Variants in ZNF804A observed in about 807,000 individuals in gnomAD.
The protein encoded by ZNF804A is zinc finger protein 804A.
In ZNF804A, 2 loss-of-function variants were observed where a neutral mutation model predicts 16.5. The observed-to-expected ratio is 0.12, with a 90% CI of 0.05 to 0.38. The LOEUF (loss-of-function observed/expected upper bound fraction) is 0.38. Among genes scored for constraint, ZNF804A ranks in the 10% least tolerant of loss-of-function variants. ZNF804A has a pLI of 0.99. For synonymous variants in ZNF804A, 534 were observed against 489.6 expected (o/e 1.09, Z -1.20); for missense variants, 1,473 against 1,390.7 (o/e 1.06, Z -0.94).
chr2:184,838,349 C>A (rs1695385283), intron 1 of ZNF804A, among the ~76,000 whole-genome samples: 1 of 151,906 alleles, frequency 6.6e-6, no homozygotes, highest in Non-Finnish European at 1.5e-5. Flanking sequence ...ACTGTCTGTG[C>A]CTCAGTGCAC....
intron 1 of ZNF804A, among the ~76,000 whole-genome samples, chr2:184,628,749 TTTC>T (rs1490326127): frequency 1.3e-5 from 2 of 152,026 alleles, no homozygotes; most frequent in Non-Finnish European, 2.9e-5. Context: ...TGCCCATGAG[TTTC>T]TTTTTTTGTA....
In ZNF804A at chr2:184,937,130, C is replaced by T. The variant is rs1432895650; in HGVS notation, c.1734C>T (p.Asn578=). ...AGGACACTCTAGATGAAAAATACAA[C>T]AAAATAAGGTTGAAAGAGACCCATG... ...IKQDTLDEKY[N]KIRLKETHEY... is the part of the protein sequence containing the mutation. Residue 578 remains asparagine (N), a synonymous_variant, in exon 4 of 4, where the codon AAC becomes AAT. Coordinates refer to ENST00000302277, the MANE Select transcript of ZNF804A (RefSeq NM_194250.2). 1 of 1,603,034 alleles carries T rather than the reference C, an allele frequency of 6.2e-7. No individual in the cohort carries two copies. Among genetic ancestry groups the T allele is most frequent in the African/African-American group, 1.4e-5 (1 of 73,854 alleles).
Position 184,937,724 on chromosome 2 carries a change from A to C in ZNF804A, c.2328A>C (p.Ser776=). The C allele has an allele frequency of 6.2e-7, 1 of 1,614,056 alleles. No homozygotes were observed. Among genetic ancestry groups the C allele is most frequent in the Non-Finnish European group, 8.5e-7 (1 of 1,179,978 alleles). Reference sequence around the variant, plus strand: ...TCTATCGAAAACGTAGACAACATTCACATTCTTATTCTTCAGATGAAAGTT... The same window carrying C: ...TCTATCGAAAACGTAGACAACATTCCCATTCTTATTCTTCAGATGAAAGTT... The part of the protein sequence containing the change: ...ERFYRKRRQH[S]HSYSSDESLN... Residue 776 remains serine (S), a synonymous_variant, in exon 4 of 4, where the codon TCA becomes TCC. Transcript: ENST00000302277.
intron 1 of ZNF804A, among the ~76,000 whole-genome samples, chr2:184,673,289 G>A (rs1319450285): frequency 6.6e-6 from 1 of 152,130 alleles, no homozygotes; most frequent in Non-Finnish European, 1.5e-5. Context: ...CCATCATTTT[G>A]TATGCTTTGC....
At chr2:184,891,592 T>C (rs1391119974) in intron 2 of ZNF804A, among the ~76,000 whole-genome samples, 1 of 152,198 alleles carries the variant, frequency 6.6e-6, no homozygotes, top group Non-Finnish European at 1.5e-5. Context: ...TTATTCTTTT[T>C]TTCTCAGCCT....
intron 1 of ZNF804A, among the ~76,000 whole-genome samples, chr2:184,744,490 C>T (rs113559691): frequency 0.022 from 3,412 of 151,836 alleles, 72 homozygotes; most frequent in South Asian, 0.063. Flanking sequence ...ATGCCCCTTC[C>T]ACCATGTGAG....
rs533661046 is a variant in ZNF804A, at chr2:184,642,705, T to C, written c.111+43635T>C. Among the ~76,000 whole-genome samples, 3 of 152,280 alleles carry C rather than the reference T, an allele frequency of 2.0e-5. No homozygotes were observed. In the South Asian group the frequency reaches 6.2e-4, roughly 32 times the overall value. ...AACATCCCCAACTCATTCCTCCTAC[T>C]ACCCACGTTTTATACCCACATTTTA... On this transcript the variant is annotated intron_variant, in intron 1 of 3. Transcript: ENST00000302277.
chr2:184,659,029 G>T (rs1017304762), intron 1 of ZNF804A, among the ~76,000 whole-genome samples: 3 of 152,070 alleles, frequency 2.0e-5, no homozygotes, highest in Non-Finnish European at 4.4e-5. Context: ...GGAAGGAGTG[G>T]CTTAATTTCA....
chr2:184,874,669 T>C (rs991417700), intron 2 of ZNF804A, among the ~76,000 whole-genome samples: 2 of 152,168 alleles, frequency 1.3e-5, no homozygotes, highest in Non-Finnish European at 2.9e-5. Context: ...AATATTAAAA[T>C]AAAATTTTCT....
intron 1 of ZNF804A, among the ~76,000 whole-genome samples, chr2:184,639,068 C>CTTTTTTTTTT (rs34389839): frequency 9.3e-6 from 1 of 107,412 alleles, no homozygotes; most frequent in African/African-American, 3.9e-5. Context: ...AAGCCCCCTC[C>CTTTTTTTTTT]TTTTTTTTTT....
At chr2:184,840,627 A>G (rs1695422007) in intron 1 of ZNF804A, among the ~76,000 whole-genome samples, 1 of 152,064 alleles carries the variant, frequency 6.6e-6, no homozygotes, top group African/African-American at 2.4e-5. Context: ...AAGCAAAACA[A>G]AACAGAAATA....
intron 2 of ZNF804A, among the ~76,000 whole-genome samples, chr2:184,882,483 A>AC (rs1302912879): frequency 6.6e-6 from 1 of 152,088 alleles, no homozygotes; most frequent in Non-Finnish European, 1.5e-5. Context: ...AGAGCACTCT[A>AC]CCCCAAACAA....
chr2:184,930,072 T>A (rs1227184267), intron 2 of ZNF804A, among the ~76,000 whole-genome samples: 4 of 152,090 alleles, frequency 2.6e-5, no homozygotes, highest in Admixed American at 2.0e-4. Context: ...AGTAAAAATA[T>A]TTTCTTTAAT....
At chr2:184,884,652 C>T (rs1382469565) in intron 2 of ZNF804A, among the ~76,000 whole-genome samples, 2 of 151,966 alleles carry the variant, frequency 1.3e-5, no homozygotes, top group Admixed American at 1.3e-4. Flanking sequence ...TAATGCTGCA[C>T]ATGTACAATC....
intron 1 of ZNF804A, among the ~76,000 whole-genome samples, chr2:184,806,567 GTC>G (rs1053449834): frequency 4.0e-4 from 60 of 151,764 alleles, no homozygotes; most frequent in African/African-American, 1.4e-3. Flanking sequence ...AGGACAAATT[GTC>G]ATGACATAAA....
intron 1 of ZNF804A, among the ~76,000 whole-genome samples, chr2:184,759,054 T>A (rs1402471286): frequency 6.6e-6 from 1 of 151,538 alleles, no homozygotes; most frequent in African/African-American, 2.4e-5. Context: ...TAGAATGTAG[T>A]ATATATGTAA....
At chr2:184,909,378 C>T (rs566585542) in intron 2 of ZNF804A, among the ~76,000 whole-genome samples, 14 of 152,020 alleles carry the variant, frequency 9.2e-5, no homozygotes, top group African/African-American at 3.4e-4. Flanking sequence ...ATGTATGATC[C>T]ATTGCTGCAC....
chr2:184,710,191 AC>A (rs138230455), intron 1 of ZNF804A, among the ~76,000 whole-genome samples: 7,842 of 151,648 alleles, frequency 0.052, 257 homozygotes, highest in Non-Finnish European at 0.077. Flanking sequence ...ATATGTACTT[AC>A]AAAATTGTGT....
intron 1 of ZNF804A, among the ~76,000 whole-genome samples, chr2:184,783,365 A>C (rs527811929): frequency 6.6e-6 from 1 of 151,808 alleles, no homozygotes; most frequent in East Asian, 1.9e-4. Flanking sequence ...GTTAAAGTAC[A>C]TTTTAAGATA....
Sources: gnomAD v4.1 joint callset for allele counts (sites outside exome capture counted in the v4.1 genomes callset) on GRCh38, gnomAD v4.1.1 for gene constraint, MANE v1.5 for transcripts, NCBI Gene and HGNC (gene_info 2026-07-23, HGNC 2026-07-21) for gene names.